KCNAB1: variants seen among roughly 807,000 people sequenced by gnomAD.
The protein encoded by KCNAB1 is voltage-gated potassium channel subunit beta-1.
KCNAB1 carries 35 observed loss-of-function variants against 64.6 expected under a neutral mutation model. The observed-to-expected ratio is 0.54, with a 90% confidence interval of 0.41 to 0.72. The LOEUF (loss-of-function observed/expected upper bound fraction) is 0.72. KCNAB1 is among the 30% of genes least tolerant of loss of function. The pLI is 0.00. For missense variants in KCNAB1, 401 were observed against 512.9 expected (o/e 0.78, Z 2.11); for synonymous variants, 177 against 183.8 (o/e 0.96, Z 0.30).
intron 1 of KCNAB1, chr3:156,142,865 T>C: frequency 2.2e-6 from 1 of 457,910 alleles, no homozygotes; most frequent in Non-Finnish European, 2.9e-6. Context: ...AAAGTTCCCA[T>C]ATTTTTTTTC....
intron 1 of KCNAB1, among the ~76,000 whole-genome samples, chr3:156,395,160 A>G (rs1713331879): frequency 6.6e-6 from 1 of 152,168 alleles, no homozygotes; most frequent in Non-Finnish European, 1.5e-5. Flanking sequence ...ACATAGTACA[A>G]TTTTCATTGA....
rs1712778832 is a variant in KCNAB1, at chr3:156,460,023, C to T, written c.482+152C>T. 4 of 551,702 alleles carry T rather than the reference C, an allele frequency of 7.3e-6. No individual in the cohort carries two copies. In the African/African-American group the frequency reaches 7.8e-5, roughly 11 times the overall value. 34.2% of individuals were successfully genotyped at this position (551,702 alleles called of 1,614,324 possible). ...ATTTATAGTGGCTTGAAAATAAATG[C>T]CGGCAAGTTCACTTCTGGAGCTTCA... is the stretch of plus-strand genomic sequence containing the variant. On this transcript the variant is annotated intron_variant, in intron 5 of 13. Coordinates refer to ENST00000490337, the MANE Select transcript of KCNAB1 (RefSeq NM_172160.3).
At chr3:156,300,292 T>C (rs1721067027) in intron 1 of KCNAB1, among the ~76,000 whole-genome samples, 1 of 152,248 alleles carries the variant, frequency 6.6e-6, no homozygotes, top group South Asian at 2.1e-4. Flanking sequence ...TGTCCTGTCC[T>C]CTGTTGACGT....
chr3:156,249,393 G>T (rs563189481), intron 1 of KCNAB1, among the ~76,000 whole-genome samples: 334 of 151,932 alleles, frequency 2.2e-3, no homozygotes, highest in Middle Eastern at 3.4e-3. Context: ...CCAACCTGGC[G>T]TAACCCTGTC....
intron 8 of KCNAB1, among the ~76,000 whole-genome samples, chr3:156,488,996 G>T (rs1715428589): frequency 6.6e-6 from 1 of 152,134 alleles, no homozygotes; most frequent in South Asian, 2.1e-4. Context: ...GTTGATATGG[G>T]ATTCATAGCT....
At chr3:156,530,707 T>A (rs1718642524) in intron 12 of KCNAB1, among the ~76,000 whole-genome samples, 1 of 152,048 alleles carries the variant, frequency 6.6e-6, no homozygotes, top group Non-Finnish European at 1.5e-5. Flanking sequence ...GTAATTTAGA[T>A]CATCAACACA....
At chr3:156,476,582 T>C (rs1252701914) in intron 8 of KCNAB1, among the ~76,000 whole-genome samples, 2 of 144,958 alleles carry the variant, frequency 1.4e-5, no homozygotes, top group South Asian at 4.3e-4. Context: ...CACACACATA[T>C]ATACACACAC....
intron 1 of KCNAB1, among the ~76,000 whole-genome samples, chr3:156,359,244 T>G (rs970132909): frequency 6.6e-6 from 1 of 152,212 alleles, no homozygotes; most frequent in Non-Finnish European, 1.5e-5. Context: ...ACTCATCTGC[T>G]TTTCTCTATT....
At chr3:156,415,293 T>C (rs1452052718) in intron 1 of KCNAB1, among the ~76,000 whole-genome samples, 1 of 152,210 alleles carries the variant, frequency 6.6e-6, no homozygotes, top group Non-Finnish European at 1.5e-5. Context: ...CACTGAAATA[T>C]GCTAGGACTG....
At chr3:156,320,084 C>T (rs994914287) in intron 1 of KCNAB1, among the ~76,000 whole-genome samples, 5 of 152,168 alleles carry the variant, frequency 3.3e-5, no homozygotes, top group African/African-American at 1.2e-4. Context: ...TTCCTTTCTA[C>T]ATTCTCTGAG....
At chr3:156,292,251 G>T in intron 1 of KCNAB1, 1 of 1,138,980 alleles carries the variant, frequency 8.8e-7, no homozygotes. Context: ...GAATTCTCAG[G>T]TGGTTCTAAA....
intron 1 of KCNAB1, among the ~76,000 whole-genome samples, chr3:156,412,974 T>C (rs1346992704): frequency 1.3e-5 from 2 of 152,234 alleles, no homozygotes; most frequent in African/African-American, 4.8e-5. Flanking sequence ...TCAGATGAGG[T>C]GACCAGCAGG....
intron 1 of KCNAB1, among the ~76,000 whole-genome samples, chr3:156,152,161 C>T (rs1360842806): frequency 6.6e-6 from 1 of 152,216 alleles, no homozygotes; most frequent in African/African-American, 2.4e-5. Flanking sequence ...TCTCATAGGC[C>T]TGCTGACCTT....
intron 1 of KCNAB1, among the ~76,000 whole-genome samples, chr3:156,148,356 C>A (rs1217709382): frequency 3.3e-5 from 5 of 152,188 alleles, no homozygotes; most frequent in African/African-American, 1.2e-4. Context: ...TTTTATACTT[C>A]TTCAATGCCT....
intron 1 of KCNAB1, among the ~76,000 whole-genome samples, chr3:156,236,096 T>C (rs191278851): frequency 3.2e-4 from 49 of 152,174 alleles, no homozygotes; most frequent in African/African-American, 1.1e-3. Context: ...ATAATAACAA[T>C]AACAATAATC....
chr3:156,474,621 G>A, intron 7 of KCNAB1, 113 bp from the exon 8 acceptor site: 1 of 707,696 alleles, frequency 1.4e-6, no homozygotes, highest in Non-Finnish European at 2.5e-6. Context: ...ACGCATTTTT[G>A]AAACTATTCC....
chr3:156,119,534 G>A (rs1420693830), upstream of KCNAB1, among the ~76,000 whole-genome samples: 5 of 152,034 alleles, frequency 3.3e-5, no homozygotes, highest in African/African-American at 9.7e-5. Flanking sequence ...TTTAACTTAC[G>A]GTTTTGTCAT....
chr3:156,261,472 C>G (rs1189508828), intron 1 of KCNAB1, among the ~76,000 whole-genome samples: 1 of 151,894 alleles, frequency 6.6e-6, no homozygotes, highest in African/African-American at 2.4e-5. Flanking sequence ...TCCAATTGTC[C>G]TAGCACTATT....
At chr3:156,408,094 A>G (rs1202975670) in intron 1 of KCNAB1, among the ~76,000 whole-genome samples, 1 of 151,974 alleles carries the variant, frequency 6.6e-6, no homozygotes, top group African/African-American at 2.4e-5. Flanking sequence ...CGGAAGAAGC[A>G]GGGAGGCGCT....
Sources: gnomAD v4.1 joint callset for allele counts (sites outside exome capture counted in the v4.1 genomes callset) on GRCh38, gnomAD v4.1.1 for gene constraint, MANE v1.5 for transcripts, NCBI Gene and HGNC (gene_info 2026-07-23, HGNC 2026-07-21) for gene names.